The following ACSL3 variants were observed in gnomAD, a reference collection of about 807,000 sequenced individuals.
The protein encoded by ACSL3 is acyl-CoA synthetase long chain family member 3, also known as fatty acid CoA ligase Acsl3.
In ACSL3, 34 loss-of-function variants were observed where a neutral mutation model predicts 84.7. The ratio of observed to expected loss-of-function variants is 0.40; its 90% CI spans 0.31 to 0.53. The LOEUF (loss-of-function observed/expected upper bound fraction) is 0.53. Ranked by LOEUF, ACSL3 falls within the 20% of genes least tolerant of loss-of-function variation. The pLI is 0.48. For missense variants in ACSL3, 680 were observed against 873.1 expected, an observed-to-expected ratio of 0.78 and a Z score of 2.79; for synonymous variants, 315 against 299.4, an observed-to-expected ratio of 1.05 and a Z score of -0.54.
At chr2:222,870,514 G>A (rs1159914314) in intron 1 of ACSL3, among the ~76,000 whole-genome samples, 3 of 152,254 alleles carry the variant, frequency 2.0e-5, no homozygotes, top group African/African-American at 7.2e-5. Flanking sequence ...CCATGAGAGA[G>A]TGCCCTAAGG....
chr2:222,916,460 A>T lies in ACSL3; in HGVS notation c.520A>T (p.Ile174Leu). 6.2e-7 allele frequency: 1 copy of T among 1,613,660 alleles called. No individual in the cohort carries two copies. Among genetic ancestry groups the T allele is most frequent in the Non-Finnish European group, 8.5e-7 (1 of 1,179,792 alleles). ...CTGTGAGACCAGGGCCGAGTGGATG[A>T]TAGCTGCACAGGCGTGTTTTATGTA... ...IFCETRAEWM[I>L]AAQACFMYNF... The change falls in exon 5 of 17, where the codon ATA (isoleucine) becomes TTA (leucine). Residue 174 changes from isoleucine (I) to leucine (L), a missense_variant. Transcript: ENST00000357430.
intron 1 of ACSL3, among the ~76,000 whole-genome samples, chr2:222,861,961 C>T (rs1486299271): frequency 6.6e-6 from 1 of 152,074 alleles, no homozygotes; most frequent in Non-Finnish European, 1.5e-5. Flanking sequence ...AGATGAGGAG[C>T]CCGAGGCACA....
At chr2:222,932,958 AAAAG>A (rs1460888510) in intron 14 of ACSL3, 1 of 326,562 alleles carries the variant, frequency 3.1e-6, no homozygotes, top group African/African-American at 2.2e-5. Flanking sequence ...AAAAAAAAAA[AAAAG>A]CATGTATTTA....
intron 11 of ACSL3, among the ~76,000 whole-genome samples, chr2:222,926,150 A>G (rs890525106): frequency 6.6e-6 from 1 of 152,238 alleles, no homozygotes; most frequent in Non-Finnish European, 1.5e-5. Flanking sequence ...AAAATACAGT[A>G]TAACAACTAT....
At chr2:222,921,208 TAATG>T (rs1696725429) in intron 7 of ACSL3, 68 bp from the exon 8 acceptor site, 1 of 1,486,014 alleles carries the variant, frequency 6.7e-7, no homozygotes, top group African/African-American at 1.4e-5. Flanking sequence ...TATTTGATGA[TAATG>T]AAAAGAAATT....
At chr2:222,929,053 G>T (rs1453997600) in intron 13 of ACSL3, 117 bp downstream of exon 13, 3 of 711,478 alleles carry the variant, frequency 4.2e-6, no homozygotes, top group Admixed American at 5.7e-5. Flanking sequence ...TTTGTCCTTT[G>T]TGATAGACGT....
intron 3 of ACSL3, among the ~76,000 whole-genome samples, chr2:222,906,663 G>T (rs1222084788): frequency 2.6e-5 from 4 of 151,580 alleles, no homozygotes; most frequent in Non-Finnish European, 5.9e-5. Context: ...TTGCTGGGCT[G>T]GAGTGCAGTG....
intron 1 of ACSL3, among the ~76,000 whole-genome samples, chr2:222,876,522 A>G (rs369847398): frequency 5.3e-5 from 8 of 151,836 alleles, no homozygotes; most frequent in African/African-American, 1.7e-4. Flanking sequence ...CACTAGATCT[A>G]TTTTGTCCAG....
Position 222,916,246 on chromosome 2 carries a change from T to C in ACSL3, c.379-73T>C, listed in dbSNP as rs538371847. 4 of 1,015,132 alleles carry C rather than the reference T, an allele frequency of 3.9e-6. No individual in the cohort carries two copies. In the African/African-American group the frequency reaches 6.5e-5, roughly 17 times the overall value. The allele number at this position is 1,015,132 out of a possible 1,614,324, so 62.9% of individuals were successfully genotyped here. On this transcript the variant is annotated intron_variant, in intron 4 of 16. Coordinates refer to ENST00000357430, the MANE Select transcript of ACSL3 (RefSeq NM_004457.5). ...TAACTTTCTGGTTCATCATAACATT[T>C]GGACGATATTCTGGTTTCTTCTGTA...
At chr2:222,907,363 A>G (rs999620569) in intron 3 of ACSL3, among the ~76,000 whole-genome samples, 1 of 152,184 alleles carries the variant, frequency 6.6e-6, no homozygotes, top group Non-Finnish European at 1.5e-5. Context: ...TAGGGGTAGG[A>G]GGTGAAAAAT....
At chr2:222,934,134 A>G (rs758934006) in intron 15 of ACSL3, among the ~76,000 whole-genome samples, 5 of 152,232 alleles carry the variant, frequency 3.3e-5, no homozygotes, top group Non-Finnish European at 7.3e-5. Context: ...TTCGTTGCTG[A>G]ATTTTTAAGA....
chr2:222,884,001 CAT>C (rs1357870283), intron 1 of ACSL3, among the ~76,000 whole-genome samples: 4 of 152,158 alleles, frequency 2.6e-5, no homozygotes, highest in Non-Finnish European at 4.4e-5. Context: ...ATTACATAGA[CAT>C]ATTTTAAAAT....
intron 4 of ACSL3, among the ~76,000 whole-genome samples, chr2:222,915,666 A>G (rs889575243): frequency 6.6e-6 from 1 of 152,252 alleles, no homozygotes; most frequent in African/African-American, 2.4e-5. Flanking sequence ...AACAGATAAA[A>G]TATTGAAAAC....
At chr2:222,895,064 G>A (rs1160048089) in intron 2 of ACSL3, among the ~76,000 whole-genome samples, 1 of 152,094 alleles carries the variant, frequency 6.6e-6, no homozygotes, top group Non-Finnish European at 1.5e-5. Context: ...GTGATTCTTA[G>A]TGATTTCAAT....
At chr2:222,937,880 C>T (rs1697216873) in intron 16 of ACSL3, among the ~76,000 whole-genome samples, 1 of 144,442 alleles carries the variant, frequency 6.9e-6, no homozygotes, top group Non-Finnish European at 1.5e-5. Flanking sequence ...CTCTTGCTGC[C>T]TTCTTTTGTT....
chr2:222,914,259 G>GTGTGTGTGTGTGTGTGTT (rs1696520202), intron 4 of ACSL3, among the ~76,000 whole-genome samples: 1 of 149,214 alleles, frequency 6.7e-6, no homozygotes, highest in Non-Finnish European at 1.5e-5. Context: ...GTGTGTGTGT[G>GTGTGTGTGTGTGTGTGTT]TGTGTGTGTG....
In ACSL3 at chr2:222,921,446, G is replaced by A; in HGVS notation, c.956+16G>A. The A allele has an allele frequency of 6.4e-7, 1 of 1,561,526 alleles. No homozygotes were observed. Among genetic ancestry groups the A allele is most frequent in the Non-Finnish European group, 8.8e-7 (1 of 1,141,254 alleles). ...CAGAACTAGGGTATGTCATAGTAAA[G>A]TAACATTGAGTAGTTAAGTATTTAT... On this transcript the variant is annotated intron_variant, in intron 8 of 16. Coordinates refer to ENST00000357430, the MANE Select transcript of ACSL3 (RefSeq NM_004457.5).
At chr2:222,934,396 T>C in intron 15 of ACSL3, 134 bp from the exon 16 acceptor site, 1 of 617,428 alleles carries the variant, frequency 1.6e-6, no homozygotes, top group Non-Finnish European at 2.5e-6. Flanking sequence ...ATGAAATGGA[T>C]ATGCCAGTGC....
chr2:222,891,357 C>A (rs1695841332), intron 2 of ACSL3, among the ~76,000 whole-genome samples: 1 of 152,130 alleles, frequency 6.6e-6, no homozygotes, highest in South Asian at 2.1e-4. Flanking sequence ...GATTTAGTGA[C>A]CTGCTCAAGA....
Sources: gnomAD v4.1 joint callset for allele counts (sites outside exome capture counted in the v4.1 genomes callset) on GRCh38, gnomAD v4.1.1 for gene constraint, MANE v1.5 for transcripts, NCBI Gene and HGNC (gene_info 2026-07-23, HGNC 2026-07-21) for gene names.